Variants in SGO2 observed in about 807,000 individuals in gnomAD.
SGO2 encodes shugoshin 2.
SGO2 carries 68 observed loss-of-function variants against 99.5 expected under a neutral mutation model. The observed-to-expected ratio is 0.68, with a 90% CI of 0.56 to 0.84. The LOEUF is 0.84. Among genes scored for constraint, SGO2 ranks in the 40% least tolerant of loss-of-function variants. The probability of loss-of-function intolerance (pLI) is 0.00; values close to 1 mark genes in which losing one functional copy is unlikely to be tolerated. For missense variants in SGO2, 1,350 were observed against 1,436.7 expected, an observed-to-expected ratio of 0.94 and a Z score of 0.97; for synonymous variants, 457 against 487.1, an observed-to-expected ratio of 0.94 and a Z score of 0.81.
intron 2 of SGO2, among the ~76,000 whole-genome samples, chr2:200,533,547 G>GTGTGTGTGTGTA (rs1396628320): frequency 0.017 from 2,496 of 143,008 alleles, 35 homozygotes; most frequent in South Asian, 0.03. Context: ...GTGTGTGTGT[G>GTGTGTGTGTGTA]TATACATGTG....
At chr2:200,560,885 TA>T (rs1321778407) in intron 5 of SGO2, among the ~76,000 whole-genome samples, 1 of 152,182 alleles carries the variant, frequency 6.6e-6, no homozygotes, top group Non-Finnish European at 1.5e-5. Context: ...CTGGAGTTTT[TA>T]ATTATGAATT....
intron 5 of SGO2, among the ~76,000 whole-genome samples, chr2:200,569,073 A>G (rs2033297386): frequency 6.6e-6 from 1 of 152,016 alleles, no homozygotes; most frequent in Non-Finnish European, 1.5e-5. Flanking sequence ...AATACAAGAC[A>G]GCTCTTTACT....
intron 5 of SGO2, among the ~76,000 whole-genome samples, chr2:200,552,164 TG>T (rs991430266): frequency 4.5e-4 from 69 of 152,320 alleles, no homozygotes; most frequent in Admixed American, 2.8e-3. Context: ...GTAGTTTTTT[TG>T]TATTGAGTTA....
At chr2:200,540,710 G>A (rs759972645) in intron 4 of SGO2, among the ~76,000 whole-genome samples, 52 of 152,202 alleles carry the variant, frequency 3.4e-4, no homozygotes, top group Non-Finnish European at 1.6e-4. Context: ...TTTATTTTCT[G>A]TGTATTATGA....
Position 200,572,338 on chromosome 2 carries a change from C to T in SGO2, c.1992C>T (p.Ser664=). The T allele has an allele frequency of 6.2e-7, 1 of 1,609,722 alleles. No homozygotes were observed. The highest frequency in any genetic ancestry group is 2.2e-5 in the East Asian group (1 of 44,840). The change falls in exon 7 of 9, where the codon TCC becomes TCT. Residue 664 remains serine, a synonymous_variant. Transcript: ENST00000357799. The part of the protein sequence containing the change: ...KEPISENIEV[S]KELQIPALST... ...CTATCTCTGAAAACATAGAAGTTTC[C>T]AAAGAGCTTCAAATCCCAGCTCTTT...
intron 5 of SGO2, among the ~76,000 whole-genome samples, chr2:200,554,148 C>A (rs1474550845): frequency 6.6e-6 from 1 of 152,126 alleles, no homozygotes; most frequent in Non-Finnish European, 1.5e-5. Context: ...CTAGAGAAAT[C>A]AGGTAGAGAG....
In SGO2 at chr2:200,573,661, A is replaced by G. The variant is rs751007129; in HGVS notation, c.3315A>G (p.Gly1105=). 2.5e-6 allele frequency: 4 copies of G among 1,613,242 alleles called. No individual in the cohort carries two copies. Among genetic ancestry groups the G allele is most frequent in the African/African-American group, 1.3e-5 (1 of 74,906 alleles). ...VMERILDSVQ[G]KSTVSEQADK... ...AAAGAATACTTGACAGCGTTCAGGG[A>G]AAGTCTACTGTATCTGAACAAGCTG... Residue 1105 remains glycine, a synonymous_variant, in exon 7 of 9, where the codon GGA becomes GGG. Coordinates refer to ENST00000357799, the MANE Select transcript of SGO2 (RefSeq NM_152524.6).
intron 4 of SGO2, among the ~76,000 whole-genome samples, chr2:200,541,902 T>G (rs1312354460): frequency 1.2e-3 from 184 of 152,362 alleles, no homozygotes; most frequent in African/African-American, 4.3e-3. Context: ...ATTTGTCTTA[T>G]CATTATGCTA....
chr2:200,566,752 C>G (rs1283114373), intron 5 of SGO2, among the ~76,000 whole-genome samples: 3 of 152,224 alleles, frequency 2.0e-5, no homozygotes, highest in African/African-American at 7.2e-5. Flanking sequence ...TGTTTACCTA[C>G]TCAAGCCTCA....
chr2:200,554,111 A>C (rs549823829), intron 5 of SGO2, among the ~76,000 whole-genome samples: 6 of 152,368 alleles, frequency 3.9e-5, no homozygotes, highest in Admixed American at 6.5e-5. Context: ...CCATCAATTA[A>C]GAATATTCAC....
rs375356715 is a variant in SGO2 at position 200,546,912 on chromosome 2, GT to G, written c.473+4251del. Among the ~76,000 whole-genome samples, 101 of 152,262 alleles carry G rather than the reference GT, an allele frequency of 6.6e-4. 2 individuals are homozygous for G. In the East Asian group the frequency reaches 0.015, roughly 23 times the overall value. ...AAGACCAAATCTAAGAATTATTAGT[GT>G]TTAAGAGAGAGCTGAGCATGAGCAA... On this transcript the variant is annotated intron_variant, in intron 5 of 8. Coordinates refer to ENST00000357799, the MANE Select transcript of SGO2 (RefSeq NM_152524.6).
In SGO2 at chr2:200,571,995, C is replaced by G; in HGVS notation, c.1649C>G (p.Pro550Arg). Reference sequence around the variant, plus strand: ...AAATTAGAAAAAGATAACTTACTCCCAAACCAAAAGGATAAAGTAACCATT... The same window carrying G: ...AAATTAGAAAAAGATAACTTACTCCGAAACCAAAAGGATAAAGTAACCATT... ...IHKLEKDNLL[P>R]NQKDKVTIYE... Residue 550 changes from proline (P) to arginine (R), a missense_variant, in exon 7 of 9, where the codon CCA becomes CGA. Pro to Arg is a moderately radical substitution (Grantham distance 103, BLOSUM62 -2). Coordinates refer to ENST00000357799, the MANE Select transcript of SGO2 (RefSeq NM_152524.6). 1 of 1,610,842 alleles carries G rather than the reference C, an allele frequency of 6.2e-7. No individual in the cohort carries two copies. The highest frequency in any genetic ancestry group is 1.3e-5 in the African/African-American group (1 of 74,720).
chr2:200,535,528 T>C (rs887388631), intron 3 of SGO2, among the ~76,000 whole-genome samples: 6 of 152,164 alleles, frequency 3.9e-5, no homozygotes, highest in African/African-American at 1.4e-4. Context: ...TATTCTTTTT[T>C]AATCTCAGCA....
chr2:200,556,239 T>C (rs2106328076), intron 5 of SGO2, among the ~76,000 whole-genome samples: 1 of 152,350 alleles, frequency 6.6e-6, no homozygotes, highest in South Asian at 2.1e-4. Flanking sequence ...GTGCTGGGAT[T>C]ACAGGCATGA....
At chr2:200,535,901 T>C (rs185324910) in intron 3 of SGO2, among the ~76,000 whole-genome samples, 164 bp from the exon 4 acceptor site, 3 of 152,222 alleles carry the variant, frequency 2.0e-5, no homozygotes, top group African/African-American at 7.2e-5. Flanking sequence ...TATTTGGTAC[T>C]ATATAATATA....
At chr2:200,569,013 T>C (rs1364883270) in intron 5 of SGO2, among the ~76,000 whole-genome samples, 1 of 152,008 alleles carries the variant, frequency 6.6e-6, no homozygotes, top group African/African-American at 2.4e-5. Flanking sequence ...ATCAGAAATA[T>C]TTTATTTTTC....
intron 8 of SGO2, among the ~76,000 whole-genome samples, chr2:200,579,238 C>A (rs149123269): frequency 5.2e-4 from 79 of 152,168 alleles, no homozygotes; most frequent in Non-Finnish European, 9.8e-4. Context: ...TTGTTACTTT[C>A]TGAACTCTGT....
rs139329985 is a variant in SGO2 at position 200,570,977 on chromosome 2, G to T, written c.704-73G>T. 2 of 1,355,184 alleles carry T rather than the reference G, an allele frequency of 1.5e-6. No homozygotes were observed. Among genetic ancestry groups the T allele is most frequent in the Non-Finnish European group, 2.0e-6 (2 of 1,002,200 alleles). 83.9% of individuals were successfully genotyped at this position (1,355,184 alleles called of 1,614,324 possible). On this transcript the variant is annotated intron_variant, in intron 6 of 8. Transcript: ENST00000357799. The surrounding 1 kb of genome is among the most constrained non-coding windows in gnomAD (Gnocchi z 4.4). ...TATATCTGTGAAACAGCTTGATTTC[G>T]AATCTAATTTGTTTAAGGTAACTTA...
chr2:200,571,896 G>A lies in SGO2; in HGVS notation c.1550G>A (p.Ser517Asn). 1 of 1,613,568 alleles carries A rather than the reference G, an allele frequency of 6.2e-7. No homozygotes were observed. Among genetic ancestry groups the A allele is most frequent in the Non-Finnish European group, 8.5e-7 (1 of 1,179,630 alleles). Residue 517 changes from serine (S) to asparagine (N), a missense_variant, in exon 7 of 9, where the codon AGT becomes AAT. Physicochemically the swap from Ser to Asn is conservative, Grantham distance 46. Transcript: ENST00000357799. ...AGTTCAGGTAAATTTCACCAGGAGA[G>A]TAAATTTGATAAGGGTCAGAATTCC... Reference protein sequence around the residue: ...SQSSGKFHQESKFDKGQNSLT... With the variant: ...SQSSGKFHQENKFDKGQNSLT...
Sources: gnomAD v4.1 joint callset for allele counts (sites outside exome capture counted in the v4.1 genomes callset) on GRCh38, gnomAD v4.1.1 for gene constraint, Gnocchi (gnomAD v3.1) non-coding constraint, MANE v1.5 for transcripts, NCBI Gene and HGNC (gene_info 2026-07-23, HGNC 2026-07-21) for gene names.